Variants in LIMCH1 observed in about 807,000 individuals in gnomAD.
LIMCH1 encodes the protein LIM and calponin homology domains-containing protein 1.
A neutral mutation model predicts 176.5 loss-of-function variants in LIMCH1; 113 were observed. The observed-to-expected ratio is 0.64, with a 90% confidence interval of 0.55 to 0.75. The LOEUF (loss-of-function observed/expected upper bound fraction) is 0.75. Among genes scored for constraint, LIMCH1 ranks in the 30% least tolerant of loss-of-function variants. The pLI, the probability that LIMCH1 is intolerant of heterozygous loss-of-function variation, is 0.00. For missense variants in LIMCH1, 1,674 were observed against 1,814.9 expected, an observed-to-expected ratio of 0.92 and a Z score of 1.41; for synonymous variants, 619 against 645.9, an observed-to-expected ratio of 0.96 and a Z score of 0.63.
rs1300297642 is a variant in LIMCH1 at position 41,667,980 on chromosome 4, A to AAG, written c.3397+1315_3397+1316insGA. Among the ~76,000 whole-genome samples, 667 of 152,190 alleles carry AAG rather than the reference A, an allele frequency of 4.4e-3. 3 individuals carry two copies. Among genetic ancestry groups the AAG allele is most frequent in the African/African-American group, 0.014 (589 of 41,494 alleles). On this transcript the variant is annotated intron_variant, in intron 21 of 31. Transcript: ENST00000503057. ...ACTTTGTCGCTACCAAAAAAAAAAAAAAATTTTAAATATAAACATTTTTTA... is the reference window on the plus strand; with the variant it reads ...ACTTTGTCGCTACCAAAAAAAAAAAAAGAAATTTTAAATATAAACATTTTTTA...
chr4:41,604,887 G>T (rs1343937953), intron 3 of LIMCH1, among the ~76,000 whole-genome samples: 1 of 152,038 alleles, frequency 6.6e-6, no homozygotes, highest in Non-Finnish European at 1.5e-5. Flanking sequence ...CATATTTTGG[G>T]TCTGTCGCCA....
At chr4:41,505,898 A>C (rs2074088846) in intron 2 of LIMCH1, among the ~76,000 whole-genome samples, 1 of 141,708 alleles carries the variant, frequency 7.1e-6, no homozygotes, top group Non-Finnish European at 1.5e-5. Flanking sequence ...AGTCTTAGTC[A>C]GTATTATTCT....
At chr4:41,611,677 T>C (rs1228107776) in intron 4 of LIMCH1, among the ~76,000 whole-genome samples, 1 of 152,236 alleles carries the variant, frequency 6.6e-6, no homozygotes, top group Non-Finnish European at 1.5e-5. Context: ...GCTAACCATG[T>C]TTTAGGATGA....
At chr4:41,650,849 A>G (rs1449213590) in intron 18 of LIMCH1, among the ~76,000 whole-genome samples, 1 of 152,046 alleles carries the variant, frequency 6.6e-6, no homozygotes, top group East Asian at 1.9e-4. Flanking sequence ...ATTGGTCATG[A>G]GAGAGCATCT....
In LIMCH1 at chr4:41,552,994, C is replaced by G. The variant is rs78168517; in HGVS notation, c.-241+14644C>G. Among the ~76,000 whole-genome samples, 28 of 152,258 alleles carry G rather than the reference C, an allele frequency of 1.8e-4. No individual in the cohort carries two copies. In the East Asian group the frequency reaches 5.0e-3, roughly 27 times the overall value. On this transcript the variant is annotated intron_variant, in intron 1 of 31. Transcript: ENST00000503057. ...AATTCCTATTCCAATCCCCAAAAAT[C>G]TGAATGGAGATTTATAAAATCATGT... is the stretch of plus-strand genomic sequence containing the variant.
intron 2 of LIMCH1, among the ~76,000 whole-genome samples, chr4:41,504,226 T>C (rs547029508): frequency 1.3e-5 from 2 of 152,328 alleles, no homozygotes; most frequent in South Asian, 4.1e-4. Flanking sequence ...AGACCTTTCT[T>C]TCCAGGGGTT....
chr4:41,479,608 T>G (rs1314935555), intron 1 of LIMCH1, among the ~76,000 whole-genome samples: 2 of 152,198 alleles, frequency 1.3e-5, no homozygotes, highest in Non-Finnish European at 2.9e-5. Context: ...CCAGTATATA[T>G]TTAGCTTTCC....
Position 41,494,691 on chromosome 4 carries a change from G to A in LIMCH1, c.167+85G>A, listed in dbSNP as rs1298122734. On this transcript the variant is annotated intron_variant, in intron 2 of 26. Transcript: ENST00000313860. The stretch of plus-strand genomic sequence containing the variant: ...TTGGCTGTAAGACTTCTAGTGTTTT[G>A]TTTTGAATTTATTCACAGTTTGAAT... 4.5e-6 allele frequency: 4 copies of A among 881,660 alleles called. No individual in the cohort carries two copies. In the African/African-American group the frequency reaches 5.1e-5, roughly 11 times the overall value. The allele number at this position is 881,660 out of a possible 1,614,324, so 54.6% of individuals were successfully genotyped here. A position where few individuals can be genotyped will look rare whatever the true frequency, so the allele number is the denominator to read the frequency against.
chr4:41,375,025 A>C (rs2054525472), intron 1 of LIMCH1, among the ~76,000 whole-genome samples: 1 of 152,188 alleles, frequency 6.6e-6, no homozygotes, highest in South Asian at 2.1e-4. Context: ...CCCAACAGAG[A>C]AGCAGTGAAT....
chr4:41,496,290 A>G (rs1272511089), intron 2 of LIMCH1, among the ~76,000 whole-genome samples: 4 of 152,178 alleles, frequency 2.6e-5, no homozygotes, highest in African/African-American at 9.7e-5. Flanking sequence ...AAGTCCTCTA[A>G]TCACAGGGGA....
intron 1 of LIMCH1, among the ~76,000 whole-genome samples, chr4:41,432,690 A>G (rs756796126): frequency 1.3e-5 from 2 of 152,226 alleles, no homozygotes; most frequent in East Asian, 1.9e-4. Flanking sequence ...AATGACAGCT[A>G]TAGTTTGAGA....
intron 13 of LIMCH1, among the ~76,000 whole-genome samples, chr4:41,635,236 CTT>C (rs72130305): frequency 7.0e-5 from 10 of 143,212 alleles, no homozygotes; most frequent in East Asian, 2.0e-4. Flanking sequence ...TTCTCTGTCA[CTT>C]TTTTTTTTTT....
intron 1 of LIMCH1, chr4:41,472,903 C>A: frequency 2.1e-6 from 1 of 481,924 alleles, no homozygotes; most frequent in Non-Finnish European, 2.7e-6. Context: ...ATGGACCCTT[C>A]TTTCCACATC....
rs1448583352 is a variant in LIMCH1 at position 41,691,583 on chromosome 4, C to T, written c.4276-699C>T. Among the ~76,000 whole-genome samples the T allele has an allele frequency of 4.6e-5, 5 of 107,746 alleles. No individual in the cohort carries two copies. The Admixed American group carries it at 5.1e-4, about 11-fold the overall frequency. 70.7% of individuals were successfully genotyped at this position (107,746 alleles called of 152,430 possible). On this transcript the variant is annotated intron_variant, in intron 30 of 31. Coordinates refer to ENST00000503057, the MANE Select transcript of LIMCH1 (RefSeq NM_001330672.2). Reference sequence around the variant, plus strand: ...CCAACATGGTGAAACTCCATCTTTACTAAAAATACAAAAAAAAAAAAAAAA... The same window carrying T: ...CCAACATGGTGAAACTCCATCTTTATTAAAAATACAAAAAAAAAAAAAAAA...
chr4:41,612,846 C>G (rs896473924), intron 4 of LIMCH1: 1 of 1,207,026 alleles, frequency 8.3e-7, no homozygotes, highest in Non-Finnish European at 1.1e-6. Flanking sequence ...TTTTTCATTG[C>G]CTTTCTTTTT....
chr4:41,616,683 A>C (rs1446976978), intron 5 of LIMCH1, among the ~76,000 whole-genome samples: 1 of 152,180 alleles, frequency 6.6e-6, no homozygotes, highest in Non-Finnish European at 1.5e-5. Context: ...TGTCAGCCTC[A>C]AAAGAAGACT....
chr4:41,457,700 G>T (rs1317992601), intron 1 of LIMCH1, among the ~76,000 whole-genome samples: 1 of 152,110 alleles, frequency 6.6e-6, no homozygotes, highest in African/African-American at 2.4e-5. Flanking sequence ...GTAGACTTTG[G>T]ACAAAGCCAT....
Position 41,689,422 on chromosome 4 carries a change from T to C in LIMCH1, c.4167-105T>C, listed in dbSNP as rs574813478. On this transcript the variant is annotated intron_variant, in intron 29 of 31. Coordinates refer to ENST00000503057, the MANE Select transcript of LIMCH1 (RefSeq NM_001330672.2). The stretch of plus-strand genomic sequence containing the variant: ...TCTCATTTCATTCATGATATAGGCA[T>C]CTTAAAAATCCATATTTTCATTTTT... 1,264 of 627,918 alleles carry C rather than the reference T, an allele frequency of 2.0e-3. 4 individuals are homozygous for C. The highest frequency in any genetic ancestry group is 2.9e-3 in the Non-Finnish European group (1,006 of 343,884). 38.9% of individuals were successfully genotyped at this position (627,918 alleles called of 1,614,324 possible).
At chr4:41,373,468 G>A (rs2054277145) in intron 1 of LIMCH1, among the ~76,000 whole-genome samples, 1 of 152,206 alleles carries the variant, frequency 6.6e-6, no homozygotes, top group Non-Finnish European at 1.5e-5. Flanking sequence ...TGTCTGGGAG[G>A]ACAGCAGTTG....
Sources: allele counts gnomAD v4.1 joint callset (sites outside exome capture counted in the v4.1 genomes callset), GRCh38; gene constraint gnomAD v4.1.1; transcripts MANE v1.5; gene names NCBI Gene and HGNC (gene_info 2026-07-23, HGNC 2026-07-21).